Variants in SP4 observed in about 807,000 individuals in gnomAD.
The protein encoded by SP4 is Sp4 transcription factor, also known as transcription factor Sp4.
A neutral mutation model predicts 72.8 loss-of-function variants in SP4; 19 were observed. The observed-to-expected ratio is 0.26, with a 90% CI of 0.18 to 0.38. The LOEUF is 0.38. Among genes scored for constraint, SP4 ranks in the 10% least tolerant of loss-of-function variants. The probability of loss-of-function intolerance (pLI) is 1.00; values close to 1 mark genes in which losing one functional copy is unlikely to be tolerated. For synonymous variants in SP4, 395 were observed against 333.1 expected (o/e 1.19, Z -2.02); for missense variants, 1,008 against 926.3 (o/e 1.09, Z -1.14).
At chr7:21,505,018 C>G (rs1583450498) in intron 5 of SP4, among the ~76,000 whole-genome samples, 1 of 152,234 alleles carries the variant, frequency 6.6e-6, no homozygotes, top group East Asian at 1.9e-4. Flanking sequence ...AGGACCGGGG[C>G]TGTAATGAGG....
chr7:21,479,574 A>G (rs1480365189), intron 4 of SP4, among the ~76,000 whole-genome samples: 1 of 152,216 alleles, frequency 6.6e-6, no homozygotes, highest in African/African-American at 2.4e-5. Flanking sequence ...TGAGTCCTGC[A>G]GCTTTGTTAT....
intron 5 of SP4, among the ~76,000 whole-genome samples, chr7:21,502,810 G>A (rs1339174750): frequency 6.6e-6 from 1 of 152,176 alleles, no homozygotes; most frequent in East Asian, 1.9e-4. Flanking sequence ...TGATGAGTTT[G>A]AGAATAAATC....
intron 5 of SP4, among the ~76,000 whole-genome samples, chr7:21,489,027 T>G (rs1471854909): frequency 2.0e-5 from 3 of 152,162 alleles, no homozygotes; most frequent in Non-Finnish European, 4.4e-5. Context: ...GATCTCAAAT[T>G]CTTTTTCACC....
At chr7:21,503,515 G>A (rs1781919942) in intron 5 of SP4, among the ~76,000 whole-genome samples, 1 of 152,182 alleles carries the variant, frequency 6.6e-6, no homozygotes, top group Non-Finnish European at 1.5e-5. Context: ...CATTTAATTT[G>A]TAAACCTTCC....
At chr7:21,429,223 G>T in intron 2 of SP4, 66 bp from the exon 3 acceptor site, 2 of 842,154 alleles carry the variant, frequency 2.4e-6, no homozygotes, top group Non-Finnish European at 1.9e-6. Context: ...GGCAACTACT[G>T]GCCTCCACTA....
chr7:21,494,812 G>A (rs1785066056), intron 5 of SP4, among the ~76,000 whole-genome samples: 1 of 152,052 alleles, frequency 6.6e-6, no homozygotes, highest in African/African-American at 2.4e-5. Context: ...AATTAGAATA[G>A]CCAAAACAGT....
rs149313536 is a variant in SP4 at position 21,430,132 on chromosome 7, A to G, written c.967A>G (p.Thr323Ala). 12 of 1,614,034 alleles carry G rather than the reference A, an allele frequency of 7.4e-6. No homozygotes were observed. The highest frequency in any genetic ancestry group is 4.5e-5 in the East Asian group (2 of 44,896). ...GCCAGAATCTCCCTCCTCCTCCACT[A>G]CCTGCACAACCACTGCTTCAACGTC... ...TMPESPSSSTTCTTTASTSLT... is the reference protein window; with the variant it reads ...TMPESPSSSTACTTTASTSLT... Residue 323 changes from threonine to alanine, a missense_variant, in exon 3 of 6, where the codon ACC (threonine) becomes GCC (alanine). Thr to Ala is a moderately conservative substitution (Grantham distance 58). This residue lies in a region of SP4 where 893 missense variants were observed against 743.3 expected (regional missense o/e 1.20). Transcript: ENST00000222584.
At chr7:21,450,661 G>T (rs1257553281) in intron 3 of SP4, among the ~76,000 whole-genome samples, 1 of 152,184 alleles carries the variant, frequency 6.6e-6, no homozygotes, top group Non-Finnish European at 1.5e-5. Context: ...AATAATGCAA[G>T]TGCTTAAACA....
intron 3 of SP4, among the ~76,000 whole-genome samples, chr7:21,445,910 A>G (rs1783407008): frequency 6.6e-6 from 1 of 152,130 alleles, no homozygotes; most frequent in Admixed American, 6.5e-5. Context: ...TGCATTCACA[A>G]TATACGAAAA....
At chr7:21,463,403 T>C (rs967216830) in intron 3 of SP4, among the ~76,000 whole-genome samples, 7 of 152,212 alleles carry the variant, frequency 4.6e-5, no homozygotes, top group African/African-American at 1.7e-4. Flanking sequence ...TTTAGGGCTT[T>C]ATTAGCCCTC....
rs1583367637 is a variant in SP4 at position 21,430,013 on chromosome 7, T to G, written c.848T>G (p.Val283Gly). The G allele has an allele frequency of 6.2e-7, 1 of 1,614,126 alleles. No homozygotes were observed. The highest frequency in any genetic ancestry group is 8.5e-7 in the Non-Finnish European group (1 of 1,179,994). The stretch of plus-strand genomic sequence containing the variant: ...GCTGCCGGAGGAGGGACTGGGCAGG[T>G]TGGCCAGCCTGCTGCTACTGCTGAT... ...NVAAGGGTGQ[V>G]GQPAATADSG... Residue 283 changes from valine to glycine, a missense_variant, in exon 3 of 6, where the codon GTT becomes GGT. By Grantham distance (109) the Val-to-Gly change is moderately radical. Coordinates refer to ENST00000222584, the MANE Select transcript of SP4 (RefSeq NM_003112.5).
Position 21,477,170 on chromosome 7 carries a change from A to T in SP4, c.1770A>T (p.Ile590=), listed in dbSNP as rs1459965393. ...VAVGGIANAT[I]GAVSPDQLTQ... ...TTGGAGGAATTGCTAATGCCACGATAGGTGCTGTTAGTCCTGACCAACTCA... is the reference window on the plus strand; with the variant it reads ...TTGGAGGAATTGCTAATGCCACGATTGGTGCTGTTAGTCCTGACCAACTCA... The change falls in exon 4 of 6, where the codon ATA becomes ATT. Residue 590 remains isoleucine, a synonymous_variant. Coordinates refer to ENST00000222584, the MANE Select transcript of SP4 (RefSeq NM_003112.5). The T allele has an allele frequency of 6.2e-7, 1 of 1,614,148 alleles. No homozygotes were observed. The highest frequency in any genetic ancestry group is 1.1e-5 in the South Asian group (1 of 91,086).
chr7:21,465,975 T>C (rs983924258), intron 3 of SP4, among the ~76,000 whole-genome samples: 12 of 152,314 alleles, frequency 7.9e-5, no homozygotes, highest in African/African-American at 2.9e-4. Context: ...CTCAGGGTTA[T>C]GTCTTTAAAT....
intron 3 of SP4, among the ~76,000 whole-genome samples, chr7:21,472,454 G>A (rs1260357798): frequency 2.0e-5 from 3 of 152,050 alleles, no homozygotes; most frequent in South Asian, 2.1e-4. Context: ...CACCATGCCT[G>A]GCTAATTTTT....
intron 3 of SP4, among the ~76,000 whole-genome samples, chr7:21,439,391 C>G (rs9639378): frequency 3.3e-5 from 5 of 151,916 alleles, no homozygotes; most frequent in African/African-American, 1.2e-4. Flanking sequence ...TTTGTTACAT[C>G]GATATGTTGT....
Position 21,513,332 on chromosome 7 carries a change from A to G in SP4, c.*2063A>G, listed in dbSNP as rs910455528. ...TTTTACACTGTGGTTATAAATTTCA[A>G]GTTTCTTAAAGCTTTTGTAGACTTG... On this transcript the variant is annotated 3_prime_UTR_variant, in exon 6 of 6. Coordinates refer to ENST00000222584, the MANE Select transcript of SP4 (RefSeq NM_003112.5). 6.6e-6 allele frequency: 1 copy of G among 152,602 alleles called. No homozygotes were observed. The highest frequency in any genetic ancestry group is 1.5e-5 in the Non-Finnish European group (1 of 68,022). The allele number at this position is 152,602 out of a possible 1,614,324, so 9.5% of individuals were successfully genotyped here. A position where few individuals can be genotyped will look rare whatever the true frequency, so the allele number is the denominator to read the frequency against.
At chr7:21,467,332 C>G (rs1784197072) in intron 3 of SP4, among the ~76,000 whole-genome samples, 1 of 151,912 alleles carries the variant, frequency 6.6e-6, no homozygotes, top group East Asian at 1.9e-4. Context: ...TTTTTTAAAT[C>G]TAGTTACCTT....
rs759594749 is a variant in SP4, at chr7:21,429,608, C to T, written c.443C>T (p.Pro148Leu). 17 of 1,614,168 alleles carry T rather than the reference C, an allele frequency of 1.1e-5. No homozygotes were observed. The highest frequency in any genetic ancestry group is 1.1e-5 in the Non-Finnish European group (13 of 1,180,006). ...TKTKSGNSST[P>L]GQFQVIQVQN... ...ACTAAATCAGGTAATTCTTCCACCC[C>T]TGGTCAATTTCAAGTCATACAAGTA... Residue 148 changes from proline to leucine, a missense_variant, in exon 3 of 6, where the codon CCT (proline) becomes CTT (leucine). This residue lies in a region of SP4 where 893 missense variants were observed against 743.3 expected (regional missense o/e 1.20). Transcript: ENST00000222584.
chr7:21,507,586 G>A (rs1014559409), intron 5 of SP4, among the ~76,000 whole-genome samples: 3 of 152,144 alleles, frequency 2.0e-5, no homozygotes, highest in African/African-American at 4.8e-5. Flanking sequence ...CCAGCAGAGA[G>A]CATAACCTGT....
Sources: gnomAD v4.1 joint callset for allele counts (sites outside exome capture counted in the v4.1 genomes callset) on GRCh38, gnomAD v4.1.1 for gene constraint, gnomAD v4.1.1 regional missense constraint, MANE v1.5 for transcripts, NCBI Gene and HGNC (gene_info 2026-07-23, HGNC 2026-07-21) for gene names.